Variants in ADGRD2 observed in about 807,000 individuals in gnomAD.
The protein encoded by ADGRD2 is adhesion G protein-coupled receptor D2, also known as G protein-coupled receptor PGR24.
Under a neutral mutation model 44.4 loss-of-function variants are expected in ADGRD2, and 71 were observed. The observed-to-expected ratio is 1.60, with a 90% CI of 1.32 to 1.95. The LOEUF is 1.95. ADGRD2 is among the 30% of genes most tolerant of loss of function. The pLI, the probability that ADGRD2 is intolerant of heterozygous loss-of-function variation, is 0.00. For missense variants in ADGRD2, 1,039 were observed against 512.4 expected (o/e 2.03, Z -9.92); for synonymous variants, 481 against 224.8 (o/e 2.14, Z -10.19).
chr9:124,468,536 C>T (rs754336840), exon 14 of ADGRD2: 1 of 718,598 alleles, frequency 1.4e-6, no homozygotes, highest in South Asian at 1.5e-5. Context: ...GTGTGGCTGT[C>T]ACAGTCGCAA....
chr9:124,477,089 G>GC (rs1490784194), intron 21 of ADGRD2: 1 of 512,316 alleles, frequency 2.0e-6, no homozygotes, highest in African/African-American at 1.9e-5. Flanking sequence ...CCCTCTGAAG[G>GC]CCCCGGCCTG....
chr9:124,470,937 G>A (rs1206150012), intron 17 of ADGRD2, among the ~76,000 whole-genome samples: 1 of 152,236 alleles, frequency 6.6e-6, no homozygotes, highest in Non-Finnish European at 1.5e-5. Flanking sequence ...CAGTGCCAGA[G>A]CCACTTAGTT....
exon 2 of ADGRD2, chr9:124,452,634 G>A (rs1343726419): frequency 2.8e-6 from 2 of 718,168 alleles, no homozygotes; most frequent in Admixed American, 4.0e-5. Flanking sequence ...TGGCACTGCA[G>A]CCCCCTGATG....
intron 3 of ADGRD2, 21 bp from the exon 7 acceptor site, chr9:124,453,978 C>A: frequency 1.5e-6 from 1 of 652,478 alleles, no homozygotes. Context: ...GGAGCCCTGA[C>A]AGCTCCCCTG....
chr9:124,454,960 G>T lies in ADGRD2; in HGVS notation c.1228G>T (p.Ala410Ser). 3 of 718,030 alleles carry T rather than the reference G, an allele frequency of 4.2e-6. No individual in the cohort carries two copies. Among genetic ancestry groups the T allele is most frequent in the Non-Finnish European group, 5.2e-6 (2 of 385,088 alleles). 44.5% of individuals were successfully genotyped at this position (718,030 alleles called of 1,614,324 possible). A position where few individuals can be genotyped will look rare whatever the true frequency, so the allele number is the denominator to read the frequency against. ...GGAGATGGCTCCCCTGGGGCCGGCC[G>T]CACTGCTGGCTGTTGTCCGCTTCCT... Residue 410 changes from alanine (A) to serine (S), a missense_variant, in exon 6 of 22, where the codon GCA becomes TCA. By Grantham distance (99) the Ala-to-Ser change is moderately conservative (BLOSUM62 1). Coordinates refer to ENST00000334810, the Ensembl canonical transcript of ADGRD2. This position sits in a 1 kb window ranked among gnomAD's most constrained non-coding sequence, Gnocchi z 4.5.
At chr9:124,453,246 C>A in exon 3 of ADGRD2, 1 of 557,026 alleles carries the variant, frequency 1.8e-6, no homozygotes, top group Non-Finnish European at 3.1e-6. Context: ...AGCCGGGGGG[C>A]GTCGTGCGCG....
chr9:124,468,651 C>T (rs1831880735), exon 14 of ADGRD2: 1 of 717,370 alleles, frequency 1.4e-6, no homozygotes, highest in Non-Finnish European at 2.6e-6. Context: ...AGGCATGCGG[C>T]TCTACCACGC....
At chr9:124,458,685 C>T (rs907723869) in exon 10 of ADGRD2, 12 of 718,546 alleles carry the variant, frequency 1.7e-5, no homozygotes, top group South Asian at 3.0e-5. Context: ...GAGAGGTCAA[C>T]GTGGCCATGA....
At chr9:124,465,809 G>A (rs1489630252) in intron 10 of ADGRD2, 2 of 152,748 alleles carry the variant, frequency 1.3e-5, no homozygotes, top group Non-Finnish European at 2.9e-5. Context: ...TTACCCAGGG[G>A]GTAGTGAGCT....
chr9:124,453,195 G>A, exon 3 of ADGRD2: 1 of 675,080 alleles, frequency 1.5e-6, no homozygotes, highest in Non-Finnish European at 2.7e-6. Context: ...CCGTTGCCGC[G>A]CCCGCGCTGC....
At chr9:124,475,587 AGAG>A (rs1215902006) in exon 19 of ADGRD2, 25 of 632,636 alleles carry the variant, frequency 4.0e-5, no homozygotes, top group Non-Finnish European at 6.3e-5. Context: ...AGCGCCCTGC[AGAG>A]GATGGCTGAG....
chr9:124,464,001 C>A (rs1831767211), intron 10 of ADGRD2, among the ~76,000 whole-genome samples: 1 of 151,980 alleles, frequency 6.6e-6, no homozygotes, highest in Admixed American at 6.6e-5. Flanking sequence ...CCACGCCTGG[C>A]TAATTTTATT....
exon 7 of ADGRD2, chr9:124,456,627 T>C (rs528571846): frequency 1.7e-5 from 12 of 718,112 alleles, no homozygotes; most frequent in Middle Eastern, 2.3e-4. Context: ...CCCAGGTGAT[T>C]GGTGGGCCTA....
intron 10 of ADGRD2, among the ~76,000 whole-genome samples, chr9:124,463,917 G>A (rs948839361): frequency 2.0e-5 from 3 of 151,936 alleles, no homozygotes; most frequent in Admixed American, 6.6e-5. Flanking sequence ...AGCTCACTGC[G>A]GCCTCGACCT....
intron 10 of ADGRD2, among the ~76,000 whole-genome samples, chr9:124,459,182 G>C (rs1831677335): frequency 6.6e-6 from 1 of 152,200 alleles, no homozygotes; most frequent in Non-Finnish European, 1.5e-5. Flanking sequence ...ATGTCCATCA[G>C]TAGGGGACTA....
chr9:124,451,855 G>A (rs923065981), upstream of ADGRD2, among the ~76,000 whole-genome samples: 2 of 152,122 alleles, frequency 1.3e-5, no homozygotes, highest in Non-Finnish European at 2.9e-5. Context: ...ACTCACTAAG[G>A]GTGACCCCTC....
At chr9:124,470,229 C>T (rs188443057) in intron 16 of ADGRD2, among the ~76,000 whole-genome samples, 4 of 152,340 alleles carry the variant, frequency 2.6e-5, no homozygotes, top group Admixed American at 2.0e-4. Flanking sequence ...ACAACTACCA[C>T]CCCATTCCTT....
At chr9:124,468,333 C>T in intron 13 of ADGRD2, 143 bp downstream of exon 16, 1 of 675,516 alleles carries the variant, frequency 1.5e-6, no homozygotes, top group South Asian at 1.6e-5. Flanking sequence ...AGGAGCAGGG[C>T]CCCGGGAGGA....
chr9:124,458,078 C>A, intron 8 of ADGRD2, 35 bp from the exon 12 acceptor site: 1 of 717,790 alleles, frequency 1.4e-6, no homozygotes, highest in Non-Finnish European at 2.6e-6. Context: ...GCCCAGCCAC[C>A]GGGTGGTGCC....
Sources: allele counts gnomAD v4.1 joint callset (sites outside exome capture counted in the v4.1 genomes callset), GRCh38; gene constraint gnomAD v4.1.1; non-coding constraint Gnocchi (gnomAD v3.1); transcripts MANE v1.5; gene names NCBI Gene and HGNC (gene_info 2026-07-23, HGNC 2026-07-21).